CRB1: variants seen among roughly 807,000 people sequenced by gnomAD.
The protein encoded by CRB1 is protein crumbs homolog 1.
CRB1 carries 83 observed loss-of-function variants against 120.0 expected under a neutral mutation model. That is an observed-to-expected ratio of 0.69 (90% CI 0.58 to 0.83). The LOEUF (loss-of-function observed/expected upper bound fraction) is 0.83, where lower values mean the gene tolerates loss of function less well. Ranked by LOEUF, CRB1 falls within the 40% of genes least tolerant of loss-of-function variation. The pLI is 0.00. For missense variants in CRB1, 1,699 were observed against 1,687.6 expected (o/e 1.01, Z -0.12); for synonymous variants, 625 against 612.5 (o/e 1.02, Z -0.30).
the CRB1 span, among the ~76,000 whole-genome samples, chr1:197,255,651 C>T: frequency 6.6e-6 from 1 of 151,936 alleles, no homozygotes; most frequent in South Asian, 2.1e-4. Flanking sequence ...CAATCAATTG[C>T]TCAAATGTGC....
At chr1:197,295,682 G>T (rs1047364822) in intron 1 of CRB1, among the ~76,000 whole-genome samples, 3 of 151,878 alleles carry the variant, frequency 2.0e-5, no homozygotes, top group Non-Finnish European at 4.4e-5. Context: ...CTTTATTTTG[G>T]TCACCCTCCT....
chr1:197,255,197 A>G, the CRB1 span, among the ~76,000 whole-genome samples: 1 of 152,046 alleles, frequency 6.6e-6, no homozygotes, highest in Admixed American at 6.6e-5. Context: ...ATCAAGGTGC[A>G]CTGCCCTACC....
intron 5 of CRB1, among the ~76,000 whole-genome samples, chr1:197,366,415 A>G (rs548013499): frequency 2.2e-3 from 333 of 152,306 alleles, no homozygotes; most frequent in African/African-American, 7.8e-3. Context: ...AACCTTTCCA[A>G]GTGTTAAATA....
intron 1 of CRB1, among the ~76,000 whole-genome samples, chr1:197,270,080 GT>G (rs752775414): frequency 3.3e-5 from 5 of 152,150 alleles, no homozygotes; most frequent in African/African-American, 1.2e-4. Context: ...TGTTAGCTGA[GT>G]TTTTTTCCCA....
At chr1:197,341,725 C>T (rs1447918048) in intron 2 of CRB1, among the ~76,000 whole-genome samples, 1 of 152,108 alleles carries the variant, frequency 6.6e-6, no homozygotes, top group Non-Finnish European at 1.5e-5. Context: ...TTTCCCAATG[C>T]ACCTTTAATC....
In CRB1 at chr1:197,421,790, C is replaced by G. The variant is rs137987476; in HGVS notation, c.1962C>G (p.Thr654=). 6.2e-7 allele frequency: 1 copy of G among 1,614,132 alleles called. No homozygotes were observed. Among genetic ancestry groups the G allele is most frequent in the East Asian group, 2.2e-5 (1 of 44,884 alleles). ...TTAAAATTGATTGGAATCACATTAC[C>G]CTGGAGAACATCTCGTCTGGCTCAT... The part of the protein sequence containing the change: ...QDIKIDWNHI[T]LENISSGSSL... Residue 654 remains threonine, a synonymous_variant, in exon 6 of 12, where the codon ACC becomes ACG. Transcript: ENST00000367400.
At chr1:197,388,083 T>C (rs536675195) in intron 5 of CRB1, among the ~76,000 whole-genome samples, 1 of 152,098 alleles carries the variant, frequency 6.6e-6, no homozygotes, top group Non-Finnish European at 1.5e-5. Context: ...TCCATAATAT[T>C]CCTCCTTATG....
chr1:197,249,412 T>C, the CRB1 span, among the ~76,000 whole-genome samples: 1 of 151,974 alleles, frequency 6.6e-6, no homozygotes, highest in Non-Finnish European at 1.5e-5. Context: ...AAGATATGCA[T>C]GCAGGCTCTT....
chr1:197,398,962 G>T (rs1421525648), intron 5 of CRB1, among the ~76,000 whole-genome samples: 1 of 150,736 alleles, frequency 6.6e-6, no homozygotes, highest in African/African-American at 2.4e-5. Context: ...CTATATATGT[G>T]ACTATATATA....
intron 6 of CRB1, 38 bp from the exon 7 acceptor site, chr1:197,427,416 C>A (rs1210367700): frequency 6.3e-7 from 1 of 1,582,650 alleles, no homozygotes; most frequent in Non-Finnish European, 8.7e-7. Flanking sequence ...TAAGATGTTT[C>A]TTTTTTTTTC....
In CRB1 at chr1:197,347,304, C is replaced by T. The variant is rs539347284; in HGVS notation, c.849-36C>T. On this transcript the variant is annotated intron_variant, in intron 3 of 11. Coordinates refer to ENST00000367400, the MANE Select transcript of CRB1 (RefSeq NM_201253.3). Reference sequence around the variant, plus strand: ...ATAAAGATATCTGATCTCAATATGACTAAGAGTTGACATGAAAATTTCATT... The same window carrying T: ...ATAAAGATATCTGATCTCAATATGATTAAGAGTTGACATGAAAATTTCATT... The T allele has an allele frequency of 3.5e-5, 55 of 1,592,234 alleles. No homozygotes were observed. The African/African-American group carries it at 6.4e-4, about 19-fold the overall frequency.
At chr1:197,246,273 T>C in the CRB1 span, among the ~76,000 whole-genome samples, 1 of 152,010 alleles carries the variant, frequency 6.6e-6, no homozygotes, top group Non-Finnish European at 1.5e-5. Context: ...TTAGCTGGAG[T>C]AGAACAGTTA....
In CRB1 at chr1:197,473,874, A is replaced by G. The variant is rs948155082; in HGVS notation, c.4006-3790A>G. ...GGAGCAAAAAAAAAAAAGCCTTTCA[A>G]CCATGGGAATTTAAAAGCAAAGGGC... On this transcript the variant is annotated intron_variant, in intron 11 of 11. Coordinates refer to ENST00000367400, the MANE Select transcript of CRB1 (RefSeq NM_201253.3). Among the ~76,000 whole-genome samples the G allele has an allele frequency of 1.7e-4, 26 of 152,146 alleles. 1 individual carries two copies. Among genetic ancestry groups the G allele is most frequent in the African/African-American group, 5.3e-4 (22 of 41,520 alleles).
intron 1 of CRB1, among the ~76,000 whole-genome samples, chr1:197,294,027 C>T (rs1185547676): frequency 6.6e-6 from 1 of 152,062 alleles, no homozygotes; most frequent in African/African-American, 2.4e-5. Context: ...TCTAAAACAC[C>T]AAAAGCAATG....
At chr1:197,475,283 G>A (rs1399959414) in intron 11 of CRB1, among the ~76,000 whole-genome samples, 1 of 152,128 alleles carries the variant, frequency 6.6e-6, no homozygotes, top group Admixed American at 6.5e-5. Flanking sequence ...CAAACCTCAT[G>A]TGAACCCAGT....
At chr1:197,453,620 A>C (rs1409728391) in intron 11 of CRB1, among the ~76,000 whole-genome samples, 2 of 143,594 alleles carry the variant, frequency 1.4e-5, no homozygotes, top group Admixed American at 7.2e-5. Flanking sequence ...TCTGTTGCCC[A>C]GGCTAGAGTC....
At chr1:197,259,595 G>A in the CRB1 span, among the ~76,000 whole-genome samples, 2 of 152,238 alleles carry the variant, frequency 1.3e-5, no homozygotes, top group African/African-American at 4.8e-5. Flanking sequence ...TTGAAACCTA[G>A]GTGATGGGTT....
At chr1:197,415,314 C>G (rs749088645) in intron 5 of CRB1, among the ~76,000 whole-genome samples, 19 of 152,184 alleles carry the variant, frequency 1.2e-4, no homozygotes, top group Non-Finnish European at 2.5e-4. Flanking sequence ...CCACTTCATT[C>G]TGTTACATAT....
chr1:197,356,740 A>C (rs1380557624), intron 4 of CRB1, 91 bp from the exon 5 acceptor site: 1 of 1,287,640 alleles, frequency 7.8e-7, no homozygotes, highest in Non-Finnish European at 1.1e-6. Flanking sequence ...TGCTAAATCA[A>C]TGCCAGTATA....
Sources: allele counts gnomAD v4.1 joint callset (sites outside exome capture counted in the v4.1 genomes callset), GRCh38; gene constraint gnomAD v4.1.1; transcripts MANE v1.5; gene names NCBI Gene and HGNC (gene_info 2026-07-23, HGNC 2026-07-21).